Variants in MYH15 observed in about 807,000 individuals in gnomAD.
MYH15 encodes the protein myosin heavy chain 15.
In MYH15, 227 loss-of-function variants were observed where a neutral mutation model predicts 240.5. The ratio of observed to expected loss-of-function variants is 0.94; its 90% CI spans 0.85 to 1.05. The LOEUF (loss-of-function observed/expected upper bound fraction) is 1.05. Among genes scored for constraint, MYH15 ranks in the 50% least tolerant of loss-of-function variants. MYH15 has a pLI of 0.00. For missense variants in MYH15, 2,217 were observed against 2,247.5 expected (o/e 0.99, Z 0.27); for synonymous variants, 785 against 796.7 (o/e 0.99, Z 0.25).
At chr3:108,424,866 T>A (rs1246296229) in intron 27 of MYH15, among the ~76,000 whole-genome samples, 1 of 152,176 alleles carries the variant, frequency 6.6e-6, no homozygotes, top group East Asian at 1.9e-4. Context: ...TACACAGGAT[T>A]TGGAATTGGA....
chr3:108,513,838 C>T (rs189707539), upstream of MYH15, among the ~76,000 whole-genome samples: 11 of 152,246 alleles, frequency 7.2e-5, no homozygotes, highest in African/African-American at 2.2e-4. Flanking sequence ...AGGTTGGATT[C>T]GGAGAAAGAC....
chr3:108,428,917 C>T (rs2082752277), intron 26 of MYH15, 36 bp from the exon 27 acceptor site: 1 of 1,549,852 alleles, frequency 6.5e-7, no homozygotes, highest in South Asian at 1.2e-5. Flanking sequence ...TTACTAAGCA[C>T]TTGTAGCAAG....
chr3:108,508,926 C>T (rs2083500230), intron 1 of MYH15, among the ~76,000 whole-genome samples: 2 of 152,082 alleles, frequency 1.3e-5, no homozygotes, highest in African/African-American at 4.8e-5. Context: ...TTTATAGTCT[C>T]ATTTGGTCCC....
the MYH15 span, among the ~76,000 whole-genome samples, chr3:108,542,049 G>A: frequency 0.019 from 2,916 of 152,006 alleles, 105 homozygotes; most frequent in African/African-American, 0.067. Flanking sequence ...GGGATGAAAG[G>A]GAAATAACTG....
At chr3:108,384,232 A>T (rs752039365) in intron 39 of MYH15, among the ~76,000 whole-genome samples, 2 of 152,206 alleles carry the variant, frequency 1.3e-5, no homozygotes, top group Non-Finnish European at 2.9e-5. Context: ...CATTCCCTGT[A>T]GTTATAGATA....
At chr3:108,471,346 C>T (rs931387455) in intron 12 of MYH15, among the ~76,000 whole-genome samples, 1 of 152,154 alleles carries the variant, frequency 6.6e-6, no homozygotes, top group African/African-American at 2.4e-5. Flanking sequence ...AAAATGCAAA[C>T]TCTCAGGCCC....
chr3:108,434,412 C>A (rs1424468730), intron 25 of MYH15, among the ~76,000 whole-genome samples: 1 of 151,772 alleles, frequency 6.6e-6, no homozygotes, highest in Non-Finnish European at 1.5e-5. Flanking sequence ...GAACTCCCAA[C>A]CTCAGGTGAT....
intron 21 of MYH15, among the ~76,000 whole-genome samples, chr3:108,449,677 A>AT (rs902622456): frequency 1.3e-5 from 2 of 152,034 alleles, no homozygotes; most frequent in African/African-American, 4.8e-5. Flanking sequence ...GTTTTGGCAA[A>AT]TTTTTTTAAT....
At chr3:108,396,835 A>G (rs1009463135) in intron 35 of MYH15, among the ~76,000 whole-genome samples, 5 of 152,228 alleles carry the variant, frequency 3.3e-5, no homozygotes, top group African/African-American at 1.2e-4. Context: ...TAATTACAAC[A>G]TCTTTCAACA....
In MYH15 at chr3:108,410,708, G is replaced by C. The variant is rs763787418; in HGVS notation, c.4370C>G (p.Ala1457Gly). 1 of 1,614,130 alleles carries C rather than the reference G, an allele frequency of 6.2e-7. No homozygotes were observed. Among genetic ancestry groups the C allele is most frequent in the Non-Finnish European group, 8.5e-7 (1 of 1,180,038 alleles). ...DWKQKHEESQALLDASQKEVQ... is the reference protein window; with the variant it reads ...DWKQKHEESQGLLDASQKEVQ... ...TTCCTTCTGAGAGGCATCCAGCAAC[G>C]CCTGGGACTCCTCGTGCTTCTGCTT... The change falls in exon 31 of 41, where the codon GCG (alanine) becomes GGG (glycine). Residue 1457 changes from alanine (A) to glycine (G), a missense_variant. Coordinates refer to ENST00000693548, the MANE Select transcript of MYH15 (RefSeq NM_014981.3).
At chr3:108,466,489 T>A (rs2083119161) in intron 14 of MYH15, among the ~76,000 whole-genome samples, 1 of 152,210 alleles carries the variant, frequency 6.6e-6, no homozygotes, top group Non-Finnish European at 1.5e-5. Context: ...TATGTGTGCC[T>A]TGACATCTGG....
intron 30 of MYH15, among the ~76,000 whole-genome samples, 177 bp downstream of exon 30, chr3:108,414,055 C>T: frequency 6.6e-6 from 1 of 152,074 alleles, no homozygotes; most frequent in East Asian, 1.9e-4. Flanking sequence ...ATTTTTAGTC[C>T]CTCTACAGAG....
At chr3:108,459,197 A>G (rs575511150) in intron 18 of MYH15, among the ~76,000 whole-genome samples, 165 bp downstream of exon 18, 2 of 152,276 alleles carry the variant, frequency 1.3e-5, no homozygotes, top group South Asian at 4.1e-4. Flanking sequence ...CAATGGCAAT[A>G]TTGAGGAGGT....
intron 8 of MYH15, among the ~76,000 whole-genome samples, chr3:108,492,849 G>A (rs60176477): frequency 0.16 from 24,051 of 151,856 alleles, 2,135 homozygotes; most frequent in South Asian, 0.27. Context: ...TACTTGAGAG[G>A]CTGAGGTAGA....
chr3:108,505,933 C>A, intron 1 of MYH15, 104 bp from the exon 2 acceptor site: 2 of 708,622 alleles, frequency 2.8e-6, no homozygotes, highest in Non-Finnish European at 2.3e-6. Context: ...TCTGCTAAAT[C>A]AGCTTGTTGA....
chr3:108,533,037 TTTG>T (rs1296552764), upstream of MYH15, among the ~76,000 whole-genome samples: 7 of 152,224 alleles, frequency 4.6e-5, no homozygotes, highest in Admixed American at 6.5e-5. Flanking sequence ...ATGAGATAAA[TTTG>T]TTGTTCCTAG....
chr3:108,489,596 T>C (rs1164341934), intron 9 of MYH15, among the ~76,000 whole-genome samples: 1 of 152,170 alleles, frequency 6.6e-6, no homozygotes, highest in Non-Finnish European at 1.5e-5. Flanking sequence ...GGGCTGGCTC[T>C]GAGGTAACAT....
intron 30 of MYH15, among the ~76,000 whole-genome samples, chr3:108,411,673 T>C (rs373674461): frequency 2.0e-5 from 3 of 152,226 alleles, no homozygotes; most frequent in African/African-American, 7.2e-5. Flanking sequence ...GTTTCTTACA[T>C]CTCCTGCAGG....
intron 27 of MYH15, 77 bp from the exon 28 acceptor site, chr3:108,421,291 G>T: frequency 6.6e-7 from 1 of 1,522,098 alleles, no homozygotes; most frequent in Non-Finnish European, 8.9e-7. Context: ...AAGAGGGGAG[G>T]AGTGGCTCCA....
Sources: gnomAD v4.1 joint callset for allele counts (sites outside exome capture counted in the v4.1 genomes callset) on GRCh38, gnomAD v4.1.1 for gene constraint, MANE v1.5 for transcripts, NCBI Gene and HGNC (gene_info 2026-07-23, HGNC 2026-07-21) for gene names.